LYRM4: variants seen among roughly 807,000 people sequenced by gnomAD.
LYRM4 encodes the protein LYR motif containing 4, also known as LYR motif-containing protein 4.
Under a neutral mutation model 11.7 loss-of-function variants are expected in LYRM4, and 9 were observed. The observed-to-expected ratio is 0.77, with a 90% CI of 0.46 to 1.34. The LOEUF (loss-of-function observed/expected upper bound fraction) is 1.34. Among genes scored for constraint, LYRM4 ranks in the 40% most tolerant of loss-of-function variants. LYRM4 has a pLI of 0.00. For synonymous variants in LYRM4, 42 were observed against 40.4 expected, an observed-to-expected ratio of 1.04 and a Z score of -0.15; for missense variants, 133 against 112.5, an observed-to-expected ratio of 1.18 and a Z score of -0.82.
At chr6:5,059,216 A>G in the LYRM4 span, among the ~76,000 whole-genome samples, 4 of 151,816 alleles carry the variant, frequency 2.6e-5, no homozygotes, top group Non-Finnish European at 5.9e-5. Flanking sequence ...TGGCACACAC[A>G]TGTAGTCTTA....
At chr6:5,186,818 T>A in intron 2 of LYRM4, 1 of 564,912 alleles carries the variant, frequency 1.8e-6, no homozygotes, top group Non-Finnish European at 2.8e-6. Context: ...ATCACATCTC[T>A]ACTAAGAATA....
At chr6:5,141,151 G>A (rs923175825) in intron 2 of LYRM4, among the ~76,000 whole-genome samples, 6 of 152,236 alleles carry the variant, frequency 3.9e-5, no homozygotes, top group Non-Finnish European at 8.8e-5. Flanking sequence ...GCACTGTTGA[G>A]GGTACTGGCC....
intron 1 of LYRM4, among the ~76,000 whole-genome samples, chr6:5,249,950 A>G (rs1045583324): frequency 6.6e-6 from 1 of 152,220 alleles, no homozygotes; most frequent in Non-Finnish European, 1.5e-5. Flanking sequence ...TGAGTCATTA[A>G]GAGGTAATTT....
chr6:5,138,806 G>T, intron 2 of LYRM4: 2 of 1,252,016 alleles, frequency 1.6e-6, no homozygotes, highest in Non-Finnish European at 2.2e-6. Flanking sequence ...GAGTTCTTTG[G>T]GATTTCAAAC....
At chr6:5,214,972 C>T (rs965002834) in intron 2 of LYRM4, among the ~76,000 whole-genome samples, 3 of 152,086 alleles carry the variant, frequency 2.0e-5, no homozygotes, top group African/African-American at 7.2e-5. Context: ...CCTGCACATG[C>T]CACTGCTCCA....
intron 2 of LYRM4, among the ~76,000 whole-genome samples, chr6:5,162,023 A>C (rs1758788601): frequency 6.6e-6 from 1 of 152,158 alleles, no homozygotes; most frequent in Non-Finnish European, 1.5e-5. Flanking sequence ...AACCCCCAGA[A>C]AAAAAGTGTA....
chr6:5,252,941 C>T (rs1178567022), intron 1 of LYRM4, among the ~76,000 whole-genome samples: 2 of 151,980 alleles, frequency 1.3e-5, no homozygotes, highest in Non-Finnish European at 2.9e-5. Context: ...CCAATTAAGC[C>T]CTGTGTAAGG....
intron 1 of LYRM4, among the ~76,000 whole-genome samples, chr6:5,241,073 T>C (rs1279004399): frequency 1.3e-5 from 2 of 152,212 alleles, no homozygotes; most frequent in African/African-American, 4.8e-5. Context: ...GCAGCTTTCT[T>C]GTTTGCAAAA....
intron 2 of LYRM4, among the ~76,000 whole-genome samples, chr6:5,154,765 G>A (rs1398292100): frequency 6.6e-6 from 1 of 152,132 alleles, no homozygotes; most frequent in African/African-American, 2.4e-5. Flanking sequence ...CTTGCAGTGA[G>A]CCGGGATCGC....
At chr6:5,066,750 C>T in the LYRM4 span, 5 of 746,912 alleles carry the variant, frequency 6.7e-6, no homozygotes, top group African/African-American at 1.7e-5. Context: ...AGCCAATCTC[C>T]GATTGGTTAC....
chr6:5,129,747 T>C lies in LYRM4; in HGVS notation c.208-20256A>G, dbSNP rs555385197. The stretch of plus-strand genomic sequence containing the variant: ...CCTACCAGATCTTCCTTTATGGCTT[T>C]GTTGAAAACAATTATTTTTAAAAAT... On this transcript the variant is annotated intron_variant, in intron 2 of 2. Coordinates refer to ENST00000330636, the MANE Select transcript of LYRM4 (RefSeq NM_020408.6). Among the ~76,000 whole-genome samples, 31 of 152,364 alleles carry C rather than the reference T, an allele frequency of 2.0e-4. No individual in the cohort carries two copies. The East Asian group carries it at 5.4e-3, about 27-fold the overall frequency.
intron 2 of LYRM4, among the ~76,000 whole-genome samples, chr6:5,192,714 T>A (rs1760829165): frequency 6.6e-6 from 1 of 152,196 alleles, no homozygotes; most frequent in African/African-American, 2.4e-5. Flanking sequence ...CAACAGGCTG[T>A]GTATTCCGTT....
intron 2 of LYRM4, among the ~76,000 whole-genome samples, chr6:5,134,470 T>G (rs1764096697): frequency 6.6e-6 from 1 of 152,242 alleles, no homozygotes; most frequent in Non-Finnish European, 1.5e-5. Context: ...ACATTAAAAT[T>G]TAAACACTTT....
At chr6:5,099,368 C>A (rs1426727429), downstream of LYRM4, among the ~76,000 whole-genome samples, 1 of 141,878 alleles carries the variant, frequency 7.0e-6, no homozygotes, top group Non-Finnish European at 1.5e-5. This position sits in a 1 kb window ranked among gnomAD's most constrained non-coding sequence, Gnocchi z 4.3. Context: ...CCACACTCGG[C>A]TAATTAAAAA....
At chr6:5,104,842 CCAAT>C (rs1762613584), downstream of LYRM4, 1 of 152,220 alleles carries the variant, frequency 6.6e-6, no homozygotes, top group East Asian at 1.9e-4. Flanking sequence ...GTCTCCTCAT[CCAAT>C]CAATCACCAA....
At chr6:5,243,140 G>T (rs893892214) in intron 1 of LYRM4, among the ~76,000 whole-genome samples, 1 of 152,200 alleles carries the variant, frequency 6.6e-6, no homozygotes, top group African/African-American at 2.4e-5. Context: ...GAATTTGAAG[G>T]GCAAATGCTC....
the LYRM4 span, among the ~76,000 whole-genome samples, chr6:5,055,291 G>A: frequency 6.6e-3 from 1,005 of 152,274 alleles, 15 homozygotes; most frequent in African/African-American, 0.022. This position sits in a 1 kb window ranked among gnomAD's most constrained non-coding sequence, Gnocchi z 4.5. Context: ...GCCACCTTGG[G>A]CACATGTTCT....
intron 1 of LYRM4, among the ~76,000 whole-genome samples, chr6:5,251,253 T>A (rs1037360456): frequency 6.6e-6 from 1 of 152,206 alleles, no homozygotes; most frequent in Non-Finnish European, 1.5e-5. Context: ...AGAAGAATAT[T>A]TGGCATGAAG....
At chr6:5,193,321 G>A (rs1581476421) in intron 2 of LYRM4, among the ~76,000 whole-genome samples, 1 of 151,294 alleles carries the variant, frequency 6.6e-6, no homozygotes, top group Non-Finnish European at 1.5e-5. Context: ...AAAAAAAAAC[G>A]CCTTAGCTTT....
Sources: gnomAD v4.1 joint callset for allele counts (sites outside exome capture counted in the v4.1 genomes callset) on GRCh38, gnomAD v4.1.1 for gene constraint, Gnocchi (gnomAD v3.1) non-coding constraint, MANE v1.5 for transcripts, NCBI Gene and HGNC (gene_info 2026-07-23, HGNC 2026-07-21) for gene names.